The following EPG5 variants were observed in gnomAD, a reference collection of about 807,000 sequenced individuals.
The protein encoded by EPG5 is ectopic P granules protein 5 homolog.
EPG5 carries 159 observed loss-of-function variants against 302.7 expected under a neutral mutation model. The ratio of observed to expected loss-of-function variants is 0.53; its 90% CI spans 0.46 to 0.60. The LOEUF (loss-of-function observed/expected upper bound fraction) is 0.60, where lower values mean the gene tolerates loss of function less well. EPG5 is among the 20% of genes least tolerant of loss of function. The probability of loss-of-function intolerance (pLI) is 0.00; values close to 1 mark genes in which losing one functional copy is unlikely to be tolerated. For missense variants in EPG5, 2,896 were observed against 3,092.4 expected (o/e 0.94, Z 1.51); for synonymous variants, 1,158 against 1,136.8 (o/e 1.02, Z -0.37).
intron 5 of EPG5, among the ~76,000 whole-genome samples, chr18:45,948,883 T>C (rs564935811): frequency 2.0e-5 from 3 of 152,164 alleles, no homozygotes; most frequent in Non-Finnish European, 2.9e-5. Flanking sequence ...TTCTACCTAA[T>C]AAGATTCAGA....
At chr18:45,865,851 G>T in intron 38 of EPG5, 92 bp from the exon 39 acceptor site, 2 of 1,380,868 alleles carry the variant, frequency 1.4e-6, no homozygotes, top group Non-Finnish European at 2.0e-6. Flanking sequence ...TGCAATGAAT[G>T]CTTGGGTAGG....
At chr18:45,963,669 G>A (rs769866648) in intron 1 of EPG5, among the ~76,000 whole-genome samples, 4 of 152,082 alleles carry the variant, frequency 2.6e-5, no homozygotes, top group Non-Finnish European at 5.9e-5. Flanking sequence ...AGAAAGTTGG[G>A]ATTGGTGGTA....
At chr18:45,807,027 C>G in the EPG5 span, among the ~76,000 whole-genome samples, 1 of 152,048 alleles carries the variant, frequency 6.6e-6, no homozygotes, top group Non-Finnish European at 1.5e-5. Flanking sequence ...TATTGGCAGG[C>G]GGGGGGCAGG....
intron 42 of EPG5, among the ~76,000 whole-genome samples, 156 bp from the exon 43 acceptor site, chr18:45,855,843 G>C (rs1000876362): frequency 6.6e-6 from 1 of 152,182 alleles, no homozygotes; most frequent in African/African-American, 2.4e-5. Flanking sequence ...TGATCAAGAA[G>C]AAGTTTTATC....
intron 13 of EPG5, among the ~76,000 whole-genome samples, chr18:45,927,629 C>CACAG (rs2145796520): frequency 6.6e-6 from 1 of 151,798 alleles, no homozygotes; most frequent in Non-Finnish European, 1.5e-5. Context: ...CACACACACA[C>CACAG]ACACGCACCA....
Position 45,876,255 on chromosome 18 carries a change from T to A in EPG5, c.6030A>T (p.Ser2010=). 1 of 1,613,192 alleles carries A rather than the reference T, an allele frequency of 6.2e-7. No individual in the cohort carries two copies. The change falls in exon 35 of 44, where the codon TCA becomes TCT. Residue 2010 remains serine (S), a synonymous_variant. Coordinates refer to ENST00000282041, the MANE Select transcript of EPG5 (RefSeq NM_020964.3). ...TCCTACCTTTAAAACTCTCATGCAGTGAGTCAATACAGTCAGTGAACAGCT... is the reference window on the plus strand; with the variant it reads ...TCCTACCTTTAAAACTCTCATGCAGAGAGTCAATACAGTCAGTGAACAGCT... ...IVQLFTDCID[S]LHESFKDKLL...
Position 45,954,434 on chromosome 18 carries a change from C to A in EPG5, c.968G>T (p.Ser323Ile), listed in dbSNP as rs199732702. ...TTCCTCCTTAAACTGCCACAGCCGA[C>A]TTTTAGCATTTTGGCAATCAGATGT... ...TLTSDCQNAK[S>I]RLWQFKEEQM... Residue 323 changes from serine to isoleucine, a missense_variant, in exon 2 of 44, where the codon AGT becomes ATT. Coordinates refer to ENST00000282041, the MANE Select transcript of EPG5 (RefSeq NM_020964.3). 130 of 1,613,712 alleles carry A rather than the reference C, an allele frequency of 8.1e-5. No homozygotes were observed. Among genetic ancestry groups the A allele is most frequent in the Non-Finnish European group, 9.7e-5 (115 of 1,179,836 alleles).
chr18:45,946,120 G>C (rs981854198), intron 7 of EPG5, among the ~76,000 whole-genome samples: 1 of 152,094 alleles, frequency 6.6e-6, no homozygotes, highest in Admixed American at 6.6e-5. Context: ...AATTAACAAG[G>C]GTGATCTCGA....
intron 1 of EPG5, among the ~76,000 whole-genome samples, chr18:45,965,522 T>C (rs886627697): frequency 2.6e-5 from 4 of 152,198 alleles, no homozygotes; most frequent in Non-Finnish European, 5.9e-5. Context: ...GTCTACTAAG[T>C]ATGGTACCTA....
chr18:45,919,688 A>G (rs1006257380), intron 16 of EPG5, among the ~76,000 whole-genome samples: 9 of 151,612 alleles, frequency 5.9e-5, no homozygotes, highest in African/African-American at 2.2e-4. Flanking sequence ...AATTTTTTGT[A>G]TTTTTAGTAG....
chr18:45,939,659 T>C lies in EPG5; in HGVS notation c.2040A>G (p.Leu680=). The change falls in exon 10 of 44, where the codon CTA becomes CTG. Residue 680 remains leucine (L), a synonymous_variant. Transcript: ENST00000282041. The stretch of plus-strand genomic sequence containing the variant: ...AAAACAGTTCATCAAATTCAACCTG[T>C]AGTTTCTCCATAGAGTAGGGCTGTT... ...LAQQPYSMEK[L]QVEFDELFLR... The C allele has an allele frequency of 1.9e-6, 3 of 1,614,154 alleles. No individual in the cohort carries two copies. Among genetic ancestry groups the C allele is most frequent in the Non-Finnish European group, 1.7e-6 (2 of 1,180,008 alleles).
Position 45,899,358 on chromosome 18 carries a change from G to A in EPG5, c.4809+46C>T, listed in dbSNP as rs755754784. ...TTCTCATTGATAAGCCAACATTACG[G>A]ACTCAATTAAAATTCTCTCAGTTCT... On this transcript the variant is annotated intron_variant, in intron 27 of 43. Coordinates refer to ENST00000282041, the MANE Select transcript of EPG5 (RefSeq NM_020964.3). The A allele has an allele frequency of 2.5e-6, 4 of 1,602,900 alleles. No individual in the cohort carries two copies. In the African/African-American group the frequency reaches 5.4e-5, roughly 21 times the overall value.
At chr18:45,944,187 G>A in intron 7 of EPG5, 68 bp from the exon 8 acceptor site, 1 of 957,478 alleles carries the variant, frequency 1.0e-6, no homozygotes, top group Non-Finnish European at 1.7e-6. Flanking sequence ...AGCGTTACAG[G>A]AGCTAAATTA....
intron 23 of EPG5, among the ~76,000 whole-genome samples, chr18:45,909,057 G>A (rs139153121): frequency 1.6e-3 from 238 of 152,014 alleles, no homozygotes; most frequent in African/African-American, 5.4e-3. Flanking sequence ...AAAAATAGTC[G>A]GCAAATACAC....
chr18:45,855,865 T>C (rs978828554), intron 42 of EPG5, among the ~76,000 whole-genome samples, 178 bp from the exon 43 acceptor site: 3 of 152,194 alleles, frequency 2.0e-5, no homozygotes, highest in Admixed American at 1.3e-4. Context: ...ATTATCACCA[T>C]CCAAACAATA....
intron 27 of EPG5, among the ~76,000 whole-genome samples, chr18:45,894,035 T>A (rs1213462623): frequency 2.0e-5 from 3 of 152,090 alleles, no homozygotes; most frequent in Non-Finnish European, 4.4e-5. Context: ...TAAGACAAAG[T>A]CCCTGACCTT....
At chr18:45,815,228 C>A in the EPG5 span, among the ~76,000 whole-genome samples, 1 of 152,124 alleles carries the variant, frequency 6.6e-6, no homozygotes, top group Admixed American at 6.5e-5. Context: ...TATATGCCCA[C>A]CCAACAGTAA....
chr18:45,903,462 C>A (rs138294343), intron 25 of EPG5, among the ~76,000 whole-genome samples: 48 of 152,276 alleles, frequency 3.2e-4, no homozygotes, highest in African/African-American at 9.9e-4. Context: ...CTCTGAATCA[C>A]CTCAGTGTCT....
In EPG5 at chr18:45,912,358, G is replaced by T; in HGVS notation, c.3915C>A (p.His1305Gln). Residue 1305 changes from histidine to glutamine, a missense_variant, in exon 22 of 44, where the codon CAC becomes CAA. Around this residue, in one of 5 missense-constraint regions of EPG5, gnomAD observed 790 missense variants for 798.0 expected, o/e 0.99. Transcript: ENST00000282041. ...AHQALVTPSD[H>Q]PLLPLIWQKF... The stretch of plus-strand genomic sequence containing the variant: ...TCTGCCAAATGAGTGGCAGGAGGGG[G>T]TGATCAGAAGGTGTGACCAGAGCCT... 2 of 1,611,672 alleles carry T rather than the reference G, an allele frequency of 1.2e-6. No homozygotes were observed. The highest frequency in any genetic ancestry group is 1.1e-5 in the South Asian group (1 of 90,604).
Sources: gnomAD v4.1 joint callset for allele counts (sites outside exome capture counted in the v4.1 genomes callset) on GRCh38, gnomAD v4.1.1 for gene constraint, gnomAD v4.1.1 regional missense constraint, MANE v1.5 for transcripts, NCBI Gene and HGNC (gene_info 2026-07-23, HGNC 2026-07-21) for gene names.